The following TRANK1 variants were observed in gnomAD, a reference collection of about 807,000 sequenced individuals.
TRANK1 encodes the protein tetratricopeptide repeat and ankyrin repeat containing 1.
Under a neutral mutation model 266.0 loss-of-function variants are expected in TRANK1, and 198 were observed. The ratio of observed to expected loss-of-function variants is 0.74; its 90% CI spans 0.66 to 0.84. The LOEUF is 0.84. Among genes scored for constraint, TRANK1 ranks in the 40% least tolerant of loss-of-function variants. TRANK1 has a pLI of 0.00. For missense variants in TRANK1, 3,326 were observed against 3,634.6 expected, an observed-to-expected ratio of 0.92 and a Z score of 2.18; for synonymous variants, 1,396 against 1,384.1, an observed-to-expected ratio of 1.01 and a Z score of -0.19.
At chr3:36,911,688 T>C (rs1384181929) in intron 1 of TRANK1, among the ~76,000 whole-genome samples, 1 of 152,202 alleles carries the variant, frequency 6.6e-6, no homozygotes, top group African/African-American at 2.4e-5. Flanking sequence ...CACGGAAGAA[T>C]GCTTTATATC....
chr3:36,932,077 G>A (rs909049663), intron 1 of TRANK1, among the ~76,000 whole-genome samples: 1 of 152,166 alleles, frequency 6.6e-6, no homozygotes, highest in African/African-American at 2.4e-5. Context: ...GCAGTTTTAT[G>A]TAATCTTCAC....
chr3:36,943,202 G>C (rs559715747), intron 1 of TRANK1, among the ~76,000 whole-genome samples: 1 of 151,620 alleles, frequency 6.6e-6, no homozygotes, highest in Non-Finnish European at 1.5e-5. Flanking sequence ...GTGGGGGGTG[G>C]GGGGAGGGAA....
chr3:36,907,566 G>A (rs1320656865), intron 2 of TRANK1, among the ~76,000 whole-genome samples: 2 of 146,568 alleles, frequency 1.4e-5, no homozygotes, highest in Non-Finnish European at 3.0e-5. Flanking sequence ...CCGGGTTCAC[G>A]CTATTCTCCT....
chr3:36,900,462 T>C (rs1232867216), intron 3 of TRANK1, among the ~76,000 whole-genome samples: 1 of 152,094 alleles, frequency 6.6e-6, no homozygotes, highest in African/African-American at 2.4e-5. Context: ...TAGAAGAAAA[T>C]GGTCTAGTTT....
intron 15 of TRANK1, chr3:36,850,793 G>A: frequency 1.0e-6 from 1 of 985,244 alleles, no homozygotes; most frequent in South Asian, 4.7e-5. Flanking sequence ...AAAAAAGGAA[G>A]GACTCTATCT....
At chr3:36,912,204 G>C (rs1372679291) in intron 1 of TRANK1, among the ~76,000 whole-genome samples, 3 of 151,148 alleles carry the variant, frequency 2.0e-5, no homozygotes, top group African/African-American at 7.3e-5. Context: ...AAAAAAAAGT[G>C]CTATAAGGTC....
rs371643719 is a variant in TRANK1, at chr3:36,833,358, G to A, written c.6225C>T (p.Ala2075=). The change falls in exon 22 of 24, where the codon GCC becomes GCT. Residue 2075 remains alanine (A), a synonymous_variant. Transcript: ENST00000645898. ...ALYEAASQCE[A]EPEKILGLAP... ...CCAGGCCCAGAATCTTCTCAGGCTC[G>A]GCCTCACACTGGCTGGCTGCTTCGT... 3.2e-5 allele frequency: 51 copies of A among 1,613,646 alleles called. No individual in the cohort carries two copies. Among genetic ancestry groups the A allele is most frequent in the Middle Eastern group, 1.6e-4 (1 of 6,076 alleles).
At chr3:36,907,087 G>A (rs1235358351) in intron 2 of TRANK1, among the ~76,000 whole-genome samples, 1 of 152,182 alleles carries the variant, frequency 6.6e-6, no homozygotes. Flanking sequence ...TTACAAAAAT[G>A]TACAAGTTTT....
chr3:36,866,090 AAG>A (rs2079220157), intron 9 of TRANK1, among the ~76,000 whole-genome samples: 1 of 151,282 alleles, frequency 6.6e-6, no homozygotes, highest in Admixed American at 6.6e-5. Flanking sequence ...GAAAGAAAGA[AAG>A]AAAGAAAGAA....
intron 1 of TRANK1, among the ~76,000 whole-genome samples, chr3:36,938,320 G>T (rs2080452210): frequency 6.6e-6 from 1 of 152,188 alleles, no homozygotes; most frequent in South Asian, 2.1e-4. Context: ...CTGGGTTCAA[G>T]CAATTCTCCA....
At chr3:36,916,956 C>T (rs1226672268) in intron 1 of TRANK1, among the ~76,000 whole-genome samples, 1 of 152,072 alleles carries the variant, frequency 6.6e-6, no homozygotes, top group Admixed American at 6.5e-5. Flanking sequence ...GCTGGGATTA[C>T]AGATGTACAC....
intron 20 of TRANK1, 110 bp downstream of exon 20, chr3:36,838,262 C>T: frequency 2.0e-6 from 3 of 1,488,998 alleles, no homozygotes; most frequent in Non-Finnish European, 2.7e-6. Flanking sequence ...TGTCTCCCTC[C>T]TTGGAAGACT....
chr3:36,831,373 C>T lies in TRANK1; in HGVS notation c.8210G>A (p.Arg2737Lys). ...CLVVSLCISW[R>K]RRVGTQMERV... ...CTCCATCTGGGTGCCCACTCTTCTC[C>T]TCCAACTGATGCACAGAGACACCAC... is the stretch of plus-strand genomic sequence containing the variant. Residue 2737 changes from arginine (R) to lysine (K), a missense_variant, in exon 22 of 24, where the codon AGG becomes AAG. Physicochemically the swap from Arg to Lys is conservative, Grantham distance 26. Coordinates refer to ENST00000645898, the MANE Select transcript of TRANK1 (RefSeq NM_001329998.2). This position sits in a 1 kb window ranked among gnomAD's most constrained non-coding sequence, Gnocchi z 5.0. The T allele has an allele frequency of 6.2e-7, 1 of 1,613,404 alleles. No individual in the cohort carries two copies. Among genetic ancestry groups the T allele is most frequent in the South Asian group, 1.1e-5 (1 of 90,942 alleles).
At chr3:36,839,644 A>G (rs1271808372) in intron 18 of TRANK1, among the ~76,000 whole-genome samples, 2 of 152,156 alleles carry the variant, frequency 1.3e-5, no homozygotes, top group Non-Finnish European at 2.9e-5. Flanking sequence ...GTTCAAGGCT[A>G]TGTTCCTCAA....
At position 36,832,719 on chromosome 3, in the gene TRANK1, T is replaced by A; in HGVS notation, c.6864A>T (p.Ala2288=). ...HQRVLSENPM[A]CKEILKPNYK... ...AATTTGGTTTGAGGATTTCTTTGCATGCCATGGGGTTTTCTGACAACACTC... is the reference window on the plus strand; with the variant it reads ...AATTTGGTTTGAGGATTTCTTTGCAAGCCATGGGGTTTTCTGACAACACTC... The change falls in exon 22 of 24, where the codon GCA becomes GCT. Residue 2288 remains alanine, a synonymous_variant. Coordinates refer to ENST00000645898, the MANE Select transcript of TRANK1 (RefSeq NM_001329998.2). The A allele has an allele frequency of 6.2e-7, 1 of 1,614,032 alleles. No homozygotes were observed. Among genetic ancestry groups the A allele is most frequent in the Non-Finnish European group, 8.5e-7 (1 of 1,179,900 alleles).
At chr3:36,941,627 T>G (rs1156627133) in intron 1 of TRANK1, among the ~76,000 whole-genome samples, 2 of 151,516 alleles carry the variant, frequency 1.3e-5, no homozygotes, top group Non-Finnish European at 3.0e-5. Flanking sequence ...GGCTGGGCAC[T>G]GTGACATTTT....
Position 36,892,967 on chromosome 3 carries a change from T to C in TRANK1, c.570A>G (p.Ser190=). Residue 190 remains serine (S), a synonymous_variant, in exon 6 of 24, where the codon TCA becomes TCG. Transcript: ENST00000645898. ...TTCTTGGTAATCGGTCTTTTTTTGC[T>C]GACAGAAGCAGAAATGACTGGTGGG... The part of the protein sequence containing the change: ...KGLWHSFLLL[S]AKKDRLPRNI... 2 of 1,513,488 alleles carry C rather than the reference T, an allele frequency of 1.3e-6. No homozygotes were observed. The highest frequency in any genetic ancestry group is 1.8e-6 in the Non-Finnish European group (2 of 1,138,696). The allele number at this position is 1,513,488 out of a possible 1,614,324, so 93.8% of individuals were successfully genotyped here.
In TRANK1 at chr3:36,903,154, C is replaced by T. The variant is rs764122449; in HGVS notation, c.277G>A (p.Val93Met). The change falls in exon 3 of 24, where the codon GTG (valine) becomes ATG (methionine). Residue 93 changes from valine (V) to methionine (M), a missense_variant. Val to Met is a conservative substitution (Grantham distance 21). Coordinates refer to ENST00000645898, the MANE Select transcript of TRANK1 (RefSeq NM_001329998.2). ...TTCACCCTCCCACCCCATACCTTCA[C>T]GTAGGTTGGATCCCATTGGAGACAT... is the stretch of plus-strand genomic sequence containing the variant. ...KECLQWDPTYVKGYYRAGYSL... is the reference protein window; with the variant it reads ...KECLQWDPTYMKGYYRAGYSL... The T allele has an allele frequency of 3.3e-6, 5 of 1,537,188 alleles. No homozygotes were observed. The highest frequency in any genetic ancestry group is 2.6e-6 in the Non-Finnish European group (3 of 1,146,828).
chr3:36,939,260 T>TACAC (rs10623771), intron 1 of TRANK1, among the ~76,000 whole-genome samples: 7,219 of 139,834 alleles, frequency 0.052, 218 homozygotes, highest in East Asian at 0.089. Context: ...CATTCTAACA[T>TACAC]ACACACACAC....
Sources: gnomAD v4.1 joint callset for allele counts (sites outside exome capture counted in the v4.1 genomes callset) on GRCh38, gnomAD v4.1.1 for gene constraint, Gnocchi (gnomAD v3.1) non-coding constraint, MANE v1.5 for transcripts, NCBI Gene and HGNC (gene_info 2026-07-23, HGNC 2026-07-21) for gene names.